SERPINB5: variants seen among roughly 807,000 people sequenced by gnomAD.
SERPINB5 encodes the protein serpin family B member 5.
SERPINB5 carries 27 observed loss-of-function variants against 32.2 expected under a neutral mutation model. The observed-to-expected ratio is 0.84, with a 90% CI of 0.62 to 1.16. The LOEUF (loss-of-function observed/expected upper bound fraction) is 1.16. Ranked by LOEUF, SERPINB5 falls within the 50% of genes most tolerant of loss-of-function variation. The pLI, the probability that SERPINB5 is intolerant of heterozygous loss-of-function variation, is 0.00. For synonymous variants in SERPINB5, 154 were observed against 157.4 expected, an observed-to-expected ratio of 0.98 and a Z score of 0.16; for missense variants, 388 against 436.3, an observed-to-expected ratio of 0.89 and a Z score of 0.99.
chr18:63,497,342 C>A, intron 5 of SERPINB5: 1 of 1,306,010 alleles, frequency 7.7e-7, no homozygotes, highest in Non-Finnish European at 1.1e-6. Flanking sequence ...TTTGCCCTGT[C>A]TGAGGCCATG....
chr18:63,484,741 C>CTTTTTTTTTTTG (rs1917178837), intron 2 of SERPINB5, 145 bp downstream of exon 2: 1 of 105,684 alleles, frequency 9.5e-6, no homozygotes, highest in Non-Finnish European at 1.7e-5. Flanking sequence ...CTCTCTTAAT[C>CTTTTTTTTTTTG]TTTTTTTTTT....
At chr18:63,500,947 C>T (rs919638832) in intron 6 of SERPINB5, among the ~76,000 whole-genome samples, 2 of 151,984 alleles carry the variant, frequency 1.3e-5, no homozygotes, top group African/African-American at 2.4e-5. Context: ...AGCCATTATC[C>T]AGCTGTCTTG....
intron 3 of SERPINB5, among the ~76,000 whole-genome samples, chr18:63,487,663 T>G (rs949905785): frequency 1.3e-5 from 2 of 152,226 alleles, no homozygotes; most frequent in African/African-American, 4.8e-5. Context: ...GTTTAGCCAT[T>G]GCTCTAAGGA....
At position 63,498,740 on chromosome 18, in the gene SERPINB5, C is replaced by A. The variant is rs915517795; in HGVS notation, c.568-380C>A. Among the ~76,000 whole-genome samples, 1 of 145,404 alleles carries A rather than the reference C, an allele frequency of 6.9e-6. No individual in the cohort carries two copies. The highest frequency in any genetic ancestry group is 2.1e-4 in the South Asian group (1 of 4,670). On this transcript the variant is annotated intron_variant, in intron 5 of 6. Coordinates refer to ENST00000382771, the MANE Select transcript of SERPINB5 (RefSeq NM_002639.5). The surrounding 1 kb of genome is among the most constrained non-coding windows in gnomAD (Gnocchi z 4.2). Reference sequence around the variant, plus strand: ...TAATAATCTGACACTGTGTCAAGAGCAAATTTGTGTATATATATATATGTA... The same window carrying A: ...TAATAATCTGACACTGTGTCAAGAGAAAATTTGTGTATATATATATATGTA...
At position 63,503,857 on chromosome 18, in the gene SERPINB5, C is replaced by A; in HGVS notation, c.*135C>A. The A allele has an allele frequency of 7.3e-6, 6 of 826,768 alleles. No individual in the cohort carries two copies. The highest frequency in any genetic ancestry group is 1.2e-5 in the Non-Finnish European group (6 of 517,094). 51.2% of individuals were successfully genotyped at this position (826,768 alleles called of 1,614,324 possible). On this transcript the variant is annotated 3_prime_UTR_variant, in exon 7 of 7. Coordinates refer to ENST00000382771, the MANE Select transcript of SERPINB5 (RefSeq NM_002639.5). ...GGATCAGGAAGCCGCCAGTACTTGT[C>A]ATATGTAGCCTTCACACAGATAGAC...
At chr18:63,485,272 C>A (rs1048475723) in intron 2 of SERPINB5, among the ~76,000 whole-genome samples, 4 of 145,542 alleles carry the variant, frequency 2.7e-5, no homozygotes, top group African/African-American at 9.8e-5. Flanking sequence ...AGTTCTTAGA[C>A]CTTCAAATGA....
At chr18:63,494,183 A>G (rs1909400828) in intron 5 of SERPINB5, among the ~76,000 whole-genome samples, 4 of 151,990 alleles carry the variant, frequency 2.6e-5, no homozygotes. Context: ...TTAGCTGGGC[A>G]TGGTGGCATG....
At chr18:63,486,838 C>A (rs542867065) in intron 2 of SERPINB5, 108 bp from the exon 3 acceptor site, 139 of 1,110,580 alleles carry the variant, frequency 1.3e-4, no homozygotes, top group Admixed American at 7.3e-4. Flanking sequence ...GGGAACTAGG[C>A]AGGAGGAGTC....
At chr18:63,486,914 G>A (rs769090892) in intron 2 of SERPINB5, 32 bp from the exon 3 acceptor site, 4 of 1,611,340 alleles carry the variant, frequency 2.5e-6, no homozygotes, top group East Asian at 2.2e-5. Flanking sequence ...CAGAGGCAAT[G>A]CTTTTTGGGT....
intron 1 of SERPINB5, among the ~76,000 whole-genome samples, chr18:63,481,068 T>C (rs898860117): frequency 2.0e-5 from 3 of 152,228 alleles, no homozygotes; most frequent in African/African-American, 7.2e-5. Context: ...GCCCCAGAGA[T>C]GTTAGGATGT....
At chr18:63,493,312 A>G (rs1428849268) in intron 5 of SERPINB5, 1 of 623,274 alleles carries the variant, frequency 1.6e-6, no homozygotes, top group Admixed American at 2.9e-5. Context: ...CAAGGATCTG[A>G]GCTGAGTGAA....
intron 3 of SERPINB5, among the ~76,000 whole-genome samples, chr18:63,488,002 A>G (rs566402160): frequency 1.3e-5 from 2 of 152,218 alleles, no homozygotes; most frequent in South Asian, 4.1e-4. Flanking sequence ...TTCTTCCAAC[A>G]ATCATCTGAA....
chr18:63,502,984 A>G (rs1350623471), intron 6 of SERPINB5, among the ~76,000 whole-genome samples: 2 of 152,150 alleles, frequency 1.3e-5, no homozygotes, highest in African/African-American at 2.4e-5. Context: ...CGATCACACT[A>G]TTACACTCCA....
rs1259109661 is a variant in SERPINB5 at position 63,489,499 on chromosome 18, CA to C, written c.424+37del. On this transcript the variant is annotated intron_variant, in intron 4 of 6. Transcript: ENST00000382771. Reference sequence around the variant, plus strand: ...CTTTAATTGTTCTGCTATCAATCACCAAGTAAACAGGGCCTTCCATCTCATA... The same window carrying C: ...CTTTAATTGTTCTGCTATCAATCACCAGTAAACAGGGCCTTCCATCTCATA... 4 of 1,205,062 alleles carry C rather than the reference CA, an allele frequency of 3.3e-6. No individual in the cohort carries two copies. The Admixed American group carries it at 5.6e-5, about 17-fold the overall frequency. 74.6% of individuals were successfully genotyped at this position (1,205,062 alleles called of 1,614,324 possible).
chr18:63,503,224 C>A, intron 6 of SERPINB5, 106 bp from the exon 7 acceptor site: 3 of 1,278,690 alleles, frequency 2.3e-6, no homozygotes, highest in South Asian at 1.5e-5. Flanking sequence ...TCCACCCAGA[C>A]TGCTTTGAAG....
chr18:63,480,693 G>A (rs115620878), intron 1 of SERPINB5, among the ~76,000 whole-genome samples: 2,523 of 152,282 alleles, frequency 0.017, 57 homozygotes, highest in African/African-American at 0.057. Context: ...CATCTTTTGA[G>A]CTACCTCAGA....
At chr18:63,485,762 T>G (rs932055097) in intron 2 of SERPINB5, 4 of 152,636 alleles carry the variant, frequency 2.6e-5, no homozygotes, top group Non-Finnish European at 5.9e-5. Flanking sequence ...AATTTTCTGG[T>G]CTCCTTCATC....
chr18:63,502,500 G>T (rs1255319714), intron 6 of SERPINB5, among the ~76,000 whole-genome samples: 2 of 151,490 alleles, frequency 1.3e-5, no homozygotes, highest in Non-Finnish European at 2.9e-5. Flanking sequence ...CTAGGGCATG[G>T]CTCAGAGTTA....
intron 1 of SERPINB5, among the ~76,000 whole-genome samples, chr18:63,483,943 G>A (rs1448354936): frequency 2.0e-5 from 3 of 152,112 alleles, no homozygotes; most frequent in African/African-American, 7.2e-5. Context: ...TATCTTTTTG[G>A]GGGACACAAT....
Sources: allele counts gnomAD v4.1 joint callset (sites outside exome capture counted in the v4.1 genomes callset), GRCh38; gene constraint gnomAD v4.1.1; non-coding constraint Gnocchi (gnomAD v3.1); transcripts MANE v1.5; gene names NCBI Gene and HGNC (gene_info 2026-07-23, HGNC 2026-07-21).